LDB3: variants seen among roughly 807,000 people sequenced by gnomAD.
LDB3 encodes LIM domain binding 3.
In LDB3, 49 loss-of-function variants were observed where a neutral mutation model predicts 69.0. That is an observed-to-expected ratio of 0.71 (90% CI 0.56 to 0.90). The LOEUF (loss-of-function observed/expected upper bound fraction) is 0.90, where lower values mean the gene tolerates loss of function less well. LDB3 is among the 40% of genes least tolerant of loss of function. The pLI is 0.00. For missense variants in LDB3, 928 were observed against 974.1 expected, an observed-to-expected ratio of 0.95 and a Z score of 0.63; for synonymous variants, 387 against 396.2, an observed-to-expected ratio of 0.98 and a Z score of 0.28.
At chr10:86,732,006 T>TC (rs1235061749) in intron 13 of LDB3, among the ~76,000 whole-genome samples, 5 of 128,138 alleles carry the variant, frequency 3.9e-5, no homozygotes, top group African/African-American at 1.7e-4. Flanking sequence ...TTTCTTTCTT[T>TC]TTCTTTTTTT....
intron 5 of LDB3, chr10:86,685,780 G>T (rs1414841924): frequency 6.6e-7 from 1 of 1,516,912 alleles, no homozygotes; most frequent in East Asian, 2.3e-5. Flanking sequence ...CGTGGATAGA[G>T]TGTGCCTGCT....
At chr10:86,694,884 C>T (rs933637511) in intron 7 of LDB3, among the ~76,000 whole-genome samples, 4 of 152,202 alleles carry the variant, frequency 2.6e-5, no homozygotes, top group Non-Finnish European at 5.9e-5. Flanking sequence ...CTATCTGTCC[C>T]CACTCCCAAG....
At chr10:86,711,850 G>T (rs1846681903) in intron 9 of LDB3, among the ~76,000 whole-genome samples, 1 of 150,218 alleles carries the variant, frequency 6.7e-6, no homozygotes, top group African/African-American at 2.4e-5. Flanking sequence ...GGCGCTTGCG[G>T]AGAGCCGGGC....
chr10:86,678,790 C>A (rs1318180041), intron 2 of LDB3, among the ~76,000 whole-genome samples: 3 of 152,066 alleles, frequency 2.0e-5, no homozygotes, highest in Non-Finnish European at 2.9e-5. Context: ...AGCCATGCAC[C>A]ACCACACCCT....
chr10:86,711,454 T>C (rs11202136), intron 9 of LDB3, among the ~76,000 whole-genome samples: 52,968 of 150,790 alleles, frequency 0.35, 11,269 homozygotes, highest in East Asian at 0.68. Context: ...CGCGCTGGAG[T>C]CGGCCTGCCT....
At chr10:86,680,487 C>T (rs1845053768) in intron 4 of LDB3, among the ~76,000 whole-genome samples, 1 of 152,312 alleles carries the variant, frequency 6.6e-6, no homozygotes, top group East Asian at 1.9e-4. Context: ...AGGCAGGGGA[C>T]GAGCGTCCAG....
chr10:86,726,696 G>T (rs549618938), intron 13 of LDB3, among the ~76,000 whole-genome samples: 1 of 152,286 alleles, frequency 6.6e-6, no homozygotes, highest in East Asian at 1.9e-4. Context: ...CCTATGAAAA[G>T]CTGAGATAGG....
chr10:86,717,058 G>A (rs924132088), intron 10 of LDB3, among the ~76,000 whole-genome samples: 1 of 152,224 alleles, frequency 6.6e-6, no homozygotes, highest in East Asian at 1.9e-4. Context: ...CTAAGGTTGA[G>A]GTCTGGGAAT....
In LDB3 at chr10:86,734,811, TA is replaced by T. The variant is rs1315410295; in HGVS notation, c.*1839del. On this transcript the variant is annotated 3_prime_UTR_variant, in exon 14 of 14. Coordinates refer to ENST00000361373, the MANE Select transcript of LDB3 (RefSeq NM_007078.3). ...GGTGAATACAAAGCAGCAGGCAGAG[TA>T]AAATCTGCTGGGACTGCCTGGAGAT... 1 of 152,006 alleles carries T rather than the reference TA, an allele frequency of 6.6e-6. No homozygotes were observed. The highest frequency in any genetic ancestry group is 2.4e-5 in the African/African-American group (1 of 41,358). The allele number at this position is 152,006 out of a possible 1,614,324, so 9.4% of individuals were successfully genotyped here. A position where few individuals can be genotyped will look rare whatever the true frequency, so the allele number is the denominator to read the frequency against.
intron 5 of LDB3, among the ~76,000 whole-genome samples, chr10:86,687,909 T>C (rs1845572487): frequency 6.6e-6 from 1 of 152,064 alleles, no homozygotes; most frequent in Non-Finnish European, 1.5e-5. Flanking sequence ...TGAAAATCAT[T>C]TGTGGATGAA....
chr10:86,687,658 G>GGT (rs1312592682), intron 5 of LDB3, among the ~76,000 whole-genome samples: 1 of 152,260 alleles, frequency 6.6e-6, no homozygotes, highest in Non-Finnish European at 1.5e-5. Context: ...GAAGTTACCA[G>GGT]GTTCTTCCAG....
At chr10:86,669,879 G>C (rs1191296992) in intron 2 of LDB3, among the ~76,000 whole-genome samples, 3 of 152,340 alleles carry the variant, frequency 2.0e-5, no homozygotes, top group African/African-American at 7.2e-5. Context: ...TTTCTTCTCT[G>C]GGGCCTTAAG....
chr10:86,687,659 G>T (rs1845559947), intron 5 of LDB3, among the ~76,000 whole-genome samples: 1 of 152,230 alleles, frequency 6.6e-6, no homozygotes, highest in South Asian at 2.1e-4. Flanking sequence ...AAGTTACCAG[G>T]TTCTTCCAGC....
In LDB3 at chr10:86,681,565, G is replaced by A. The variant is rs780578350; in HGVS notation, c.451G>A (p.Ala151Thr). The change falls in exon 5 of 14, where the codon GCC becomes ACC. Residue 151 changes from alanine to threonine, a missense_variant. Physicochemically the swap from Ala to Thr is moderately conservative, Grantham distance 58 (BLOSUM62 0). Coordinates refer to ENST00000361373, the MANE Select transcript of LDB3 (RefSeq NM_007078.3). Reference protein sequence around the residue: ...TFSPAFSRPSAFSSLAEASDP... With the variant: ...TFSPAFSRPSTFSSLAEASDP... Reference sequence around the variant, plus strand: ...TAGCCCTGCCTTCTCCCGGCCCTCCGCCTTCTCCTCACTCGCCGAGGCCTC... The same window carrying A: ...TAGCCCTGCCTTCTCCCGGCCCTCCACCTTCTCCTCACTCGCCGAGGCCTC... 39 of 1,612,892 alleles carry A rather than the reference G, an allele frequency of 2.4e-5. No individual in the cohort carries two copies. The highest frequency in any genetic ancestry group is 3.3e-5 in the Admixed American group (2 of 59,986).
intron 2 of LDB3, among the ~76,000 whole-genome samples, chr10:86,672,100 G>T (rs11202120): frequency 6.6e-6 from 1 of 151,920 alleles, no homozygotes; most frequent in African/African-American, 2.4e-5. Context: ...GGCAGAGTGA[G>T]ACTCCATCTT....
Position 86,716,570 on chromosome 10 carries a change from C to T in LDB3, c.1475C>T (p.Thr492Ile), listed in dbSNP as rs397517216. Residue 492 changes from threonine (T) to isoleucine (I), a missense_variant, in exon 10 of 14, where the codon ACA becomes ATA. Transcript: ENST00000361373. The stretch of plus-strand genomic sequence containing the variant: ...CCTGCCAGCCGTCCACCCTGGGTGA[C>T]AGATGATAGCTTCTCCCAGAAGTTT... ...AEPASRPPWV[T>I]DDSFSQKFAP... is the part of the protein sequence containing the mutation. 1.2e-6 allele frequency: 2 copies of T among 1,613,820 alleles called. No individual in the cohort carries two copies. The highest frequency in any genetic ancestry group is 1.7e-6 in the Non-Finnish European group (2 of 1,179,952).
At chr10:86,728,591 T>TTTTTTGTTTTTTG (rs1443884844) in intron 13 of LDB3, among the ~76,000 whole-genome samples, 3 of 148,220 alleles carry the variant, frequency 2.0e-5, no homozygotes, top group African/African-American at 7.6e-5. Flanking sequence ...CTTTTGTTTT[T>TTTTTTGTTTTTTG]TTTTTTTTTT....
chr10:86,702,044 T>C (rs1221781406), intron 7 of LDB3, among the ~76,000 whole-genome samples: 1 of 152,094 alleles, frequency 6.6e-6, no homozygotes, highest in Non-Finnish European at 1.5e-5. Flanking sequence ...GTGATGCAGC[T>C]CAGGGTTCCC....
intron 12 of LDB3, among the ~76,000 whole-genome samples, chr10:86,723,189 G>A (rs1487549362): frequency 7.0e-6 from 1 of 142,306 alleles, no homozygotes; most frequent in East Asian, 2.3e-4. Flanking sequence ...AGGATGGTTT[G>A]AGCCCAGGAA....
Sources: gnomAD v4.1 joint callset for allele counts (sites outside exome capture counted in the v4.1 genomes callset) on GRCh38, gnomAD v4.1.1 for gene constraint, MANE v1.5 for transcripts, NCBI Gene and HGNC (gene_info 2026-07-23, HGNC 2026-07-21) for gene names.